Variants in IGF2BP3 observed in about 807,000 individuals in gnomAD.
IGF2BP3 encodes insulin like growth factor 2 mRNA binding protein 3.
Under a neutral mutation model 73.8 loss-of-function variants are expected in IGF2BP3, and 9 were observed. That is an observed-to-expected ratio of 0.12 (90% confidence interval 0.07 to 0.21). The LOEUF is 0.21. IGF2BP3 is among the 10% of genes least tolerant of loss of function. The probability of loss-of-function intolerance (pLI) is 1.00; values close to 1 mark genes in which losing one functional copy is unlikely to be tolerated. For missense variants in IGF2BP3, 542 were observed against 714.0 expected, an observed-to-expected ratio of 0.76 and a Z score of 2.75; for synonymous variants, 258 against 256.7, an observed-to-expected ratio of 1.01 and a Z score of -0.05.
At chr7:23,461,110 T>C (rs1788442602) in intron 2 of IGF2BP3, among the ~76,000 whole-genome samples, 1 of 152,114 alleles carries the variant, frequency 6.6e-6, no homozygotes, top group African/African-American at 2.4e-5. Flanking sequence ...CACTCACTTA[T>C]TCATCCATCT....
At chr7:23,330,079 G>C (rs944465187) in intron 10 of IGF2BP3, among the ~76,000 whole-genome samples, 3 of 152,020 alleles carry the variant, frequency 2.0e-5, no homozygotes, top group African/African-American at 7.2e-5. Context: ...AAGGTCAGGA[G>C]TTCGACACCA....
chr7:23,464,593 A>G (rs1401587711), intron 2 of IGF2BP3, among the ~76,000 whole-genome samples: 1 of 152,102 alleles, frequency 6.6e-6, no homozygotes, highest in Non-Finnish European at 1.5e-5. Flanking sequence ...CTGAGGCAGA[A>G]GGATCGCTTG....
chr7:23,452,069 A>G (rs1006437407), intron 2 of IGF2BP3, among the ~76,000 whole-genome samples: 1 of 149,608 alleles, frequency 6.7e-6, no homozygotes, highest in Admixed American at 6.7e-5. Flanking sequence ...CAGTGGCGTG[A>G]TATCAGCTCA....
intron 2 of IGF2BP3, among the ~76,000 whole-genome samples, chr7:23,449,651 A>G (rs999197721): frequency 2.2e-5 from 3 of 138,198 alleles, no homozygotes; most frequent in Non-Finnish European, 4.5e-5. Flanking sequence ...TCCGCCTCCC[A>G]GGCTGAAGGG....
chr7:23,360,343 T>G (rs756750409), intron 5 of IGF2BP3, among the ~76,000 whole-genome samples: 3 of 152,164 alleles, frequency 2.0e-5, no homozygotes, highest in Non-Finnish European at 2.9e-5. Flanking sequence ...ATCTGTACAA[T>G]CAAATACTAT....
intron 3 of IGF2BP3, among the ~76,000 whole-genome samples, chr7:23,366,289 CACT>C (rs2128509586): frequency 6.6e-6 from 1 of 152,142 alleles, no homozygotes; most frequent in Non-Finnish European, 1.5e-5. Flanking sequence ...AGGCACACAC[CACT>C]ACACCCAGCT....
chr7:23,360,961 A>G (rs1317551570), intron 5 of IGF2BP3, among the ~76,000 whole-genome samples: 2 of 152,182 alleles, frequency 1.3e-5, no homozygotes, highest in African/African-American at 4.8e-5. Flanking sequence ...TTTCCAGCCT[A>G]TAGAATTATC....
In IGF2BP3 at chr7:23,311,872, G is replaced by C. The variant is rs979330980; in HGVS notation, c.*490C>G. The C allele has an allele frequency of 6.5e-6, 1 of 154,200 alleles. No individual in the cohort carries two copies. The highest frequency in any genetic ancestry group is 2.4e-5 in the African/African-American group (1 of 41,450). 9.6% of individuals were successfully genotyped at this position (154,200 alleles called of 1,614,324 possible). A position where few individuals can be genotyped will look rare whatever the true frequency, so the allele number is the denominator to read the frequency against. On this transcript the variant is annotated 3_prime_UTR_variant, in exon 15 of 15. Coordinates refer to ENST00000258729, the MANE Select transcript of IGF2BP3 (RefSeq NM_006547.3). ...CACTTCCCTTAGGTTACTCATGTTAGTGTTAGGTAAAAATAAAACTGAGAA... is the reference window on the plus strand; with the variant it reads ...CACTTCCCTTAGGTTACTCATGTTACTGTTAGGTAAAAATAAAACTGAGAA...
chr7:23,408,663 AAAG>A (rs1786922846), intron 3 of IGF2BP3, among the ~76,000 whole-genome samples: 1 of 152,178 alleles, frequency 6.6e-6, no homozygotes, highest in South Asian at 2.1e-4. Flanking sequence ...AAGGAGAGGA[AAAG>A]AAGAACTGCT....
At chr7:23,452,438 A>G (rs1376545223) in intron 2 of IGF2BP3, among the ~76,000 whole-genome samples, 1 of 152,210 alleles carries the variant, frequency 6.6e-6, no homozygotes, top group African/African-American at 2.4e-5. Context: ...AATTGCTGTT[A>G]TGGAGAAAGG....
In IGF2BP3 at chr7:23,312,487, C is replaced by T. The variant is rs374104321; in HGVS notation, c.1642-27G>A. ...TAGAAAAGGACAGAGCTTTGAAATT[C>T]CACTTGATCAAAAGCTACTAAAAGT... On this transcript the variant is annotated intron_variant, in intron 14 of 14. Coordinates refer to ENST00000258729, the MANE Select transcript of IGF2BP3 (RefSeq NM_006547.3). 9 of 1,489,850 alleles carry T rather than the reference C, an allele frequency of 6.0e-6. No individual in the cohort carries two copies. In the Middle Eastern group the frequency reaches 5.1e-4, roughly 85 times the overall value. 92.3% of individuals were successfully genotyped at this position (1,489,850 alleles called of 1,614,324 possible).
rs1035466265 is a variant in IGF2BP3, at chr7:23,412,845, T to A, written c.285+5931A>T. ...ATCCTTTCCTTAAGACTCTGGCCTT[T>A]TTTTTTTTTTTTTTTTTTTTTTTTT... On this transcript the variant is annotated intron_variant, in intron 3 of 14. Coordinates refer to ENST00000258729, the MANE Select transcript of IGF2BP3 (RefSeq NM_006547.3). Among the ~76,000 whole-genome samples, 17 of 53,698 alleles carry A rather than the reference T, an allele frequency of 3.2e-4. No homozygotes were observed. In the East Asian group the frequency reaches 4.0e-3, roughly 13 times the overall value. The allele number at this position is 53,698 out of a possible 152,430, so 35.2% of individuals were successfully genotyped here.
chr7:23,433,000 A>G (rs1372605282), intron 2 of IGF2BP3, among the ~76,000 whole-genome samples: 5 of 152,226 alleles, frequency 3.3e-5, no homozygotes, highest in Non-Finnish European at 5.9e-5. Context: ...GCAGTTGAAC[A>G]GTTACTATTT....
intron 1 of IGF2BP3, 147 bp from the exon 2 acceptor site, chr7:23,468,689 G>A (rs1788628821): frequency 1.3e-6 from 1 of 760,612 alleles, no homozygotes; most frequent in East Asian, 2.5e-5. Flanking sequence ...GGCGGAGGGA[G>A]AAGCCGACCC....
chr7:23,433,703 T>C (rs1041929050), intron 2 of IGF2BP3, among the ~76,000 whole-genome samples: 1 of 152,048 alleles, frequency 6.6e-6, no homozygotes, highest in African/African-American at 2.4e-5. Flanking sequence ...AGTTCATGTA[T>C]TTCTATTGAA....
At chr7:23,425,137 T>C (rs2128538874) in intron 2 of IGF2BP3, among the ~76,000 whole-genome samples, 1 of 152,374 alleles carries the variant, frequency 6.6e-6, no homozygotes, top group African/African-American at 2.4e-5. Flanking sequence ...TGCTAATAAC[T>C]ATCTTTTTAC....
rs375114853 is a variant in IGF2BP3, at chr7:23,396,414, T to TACAC, written c.285+22358_285+22361dup. On this transcript the variant is annotated intron_variant, in intron 3 of 14. Coordinates refer to ENST00000258729, the MANE Select transcript of IGF2BP3 (RefSeq NM_006547.3). ...GACTCTGACTTCTGAAATATGTACT[T>TACAC]ACACACACACACACACACACAATGC... 1,493 of 154,022 alleles carry TACAC rather than the reference T, an allele frequency of 9.7e-3. 23 individuals are homozygous for TACAC. Among genetic ancestry groups the TACAC allele is most frequent in the East Asian group, 0.035 (188 of 5,390 alleles). The allele number at this position is 154,022 out of a possible 1,614,324, so 9.5% of individuals were successfully genotyped here. A position where few individuals can be genotyped will look rare whatever the true frequency, so the allele number is the denominator to read the frequency against.
At chr7:23,348,951 T>C (rs1784896464) in intron 6 of IGF2BP3, among the ~76,000 whole-genome samples, 1 of 152,162 alleles carries the variant, frequency 6.6e-6, no homozygotes, top group Non-Finnish European at 1.5e-5. Flanking sequence ...TTAAGTGAAA[T>C]AATGCAATTC....
At chr7:23,420,140 A>G (rs2064621911) in intron 2 of IGF2BP3, among the ~76,000 whole-genome samples, 1 of 152,214 alleles carries the variant, frequency 6.6e-6, no homozygotes, top group Admixed American at 6.5e-5. Flanking sequence ...AAAACTAGCA[A>G]TTGAGCTTGA....
Sources: gnomAD v4.1 joint callset for allele counts (sites outside exome capture counted in the v4.1 genomes callset) on GRCh38, gnomAD v4.1.1 for gene constraint, MANE v1.5 for transcripts, NCBI Gene and HGNC (gene_info 2026-07-23, HGNC 2026-07-21) for gene names.